VPS8: variants seen among roughly 807,000 people sequenced by gnomAD.
The protein encoded by VPS8 is vacuolar protein sorting-associated protein 8 homolog.
VPS8 carries 129 observed loss-of-function variants against 216.4 expected under a neutral mutation model. The observed-to-expected ratio is 0.60, with a 90% CI of 0.52 to 0.69. The LOEUF (loss-of-function observed/expected upper bound fraction) is 0.69, where lower values mean the gene tolerates loss of function less well. Ranked by LOEUF, VPS8 falls within the 30% of genes least tolerant of loss-of-function variation. The pLI is 0.00. For missense variants in VPS8, 1,531 were observed against 1,683.5 expected, an observed-to-expected ratio of 0.91 and a Z score of 1.59; for synonymous variants, 571 against 565.4, an observed-to-expected ratio of 1.01 and a Z score of -0.14.
Position 184,898,596 on chromosome 3 carries a change from A to G in VPS8, c.2036A>G (p.Tyr679Cys), listed in dbSNP as rs1309399571. ...VVLMCWENRL[Y>C]DAMIYVYNRG... ...CTCATGTGTTGGGAAAATCGTTTAT[A>G]TGATGCTATGATCTATGTCTACAAC... The change falls in exon 24 of 48, where the codon TAT becomes TGT. Residue 679 changes from tyrosine (Y) to cysteine (C), a missense_variant. By Grantham distance (194) the Tyr-to-Cys change is radical. Coordinates refer to ENST00000625842, the MANE Select transcript of VPS8 (RefSeq NM_001009921.3). 1 of 1,554,770 alleles carries G rather than the reference A, an allele frequency of 6.4e-7. No homozygotes were observed. The highest frequency in any genetic ancestry group is 8.7e-7 in the Non-Finnish European group (1 of 1,148,030).
chr3:184,987,052 A>G (rs1200732069), intron 42 of VPS8, among the ~76,000 whole-genome samples: 2 of 152,072 alleles, frequency 1.3e-5, no homozygotes, highest in Non-Finnish European at 2.9e-5. Flanking sequence ...ACACTGCTCT[A>G]AAAGGCCCCT....
chr3:184,822,176 A>G (rs1717758333), intron 1 of VPS8, among the ~76,000 whole-genome samples: 1 of 152,070 alleles, frequency 6.6e-6, no homozygotes, highest in Non-Finnish European at 1.5e-5. Flanking sequence ...AGGGGTGGGG[A>G]GAAGTGATTA....
chr3:184,971,652 C>G lies in VPS8; in HGVS notation c.3320C>G (p.Thr1107Ser), dbSNP rs779240439. ...LQEVTHQGEN[T>S]KEDPSLKDVE... is the part of the protein sequence containing the mutation. ...TTTACACTTTTTCTAAATCTAGATACCAAAGAGGATCCCTCATTGAAGGAT... is the reference window on the plus strand; with the variant it reads ...TTTACACTTTTTCTAAATCTAGATAGCAAAGAGGATCCCTCATTGAAGGAT... The change falls in exon 40 of 48, where the codon ACC (threonine) becomes AGC (serine). Residue 1107 changes from threonine (T) to serine (S), a missense_variant. Coordinates refer to ENST00000625842, the MANE Select transcript of VPS8 (RefSeq NM_001009921.3). 5 of 1,608,886 alleles carry G rather than the reference C, an allele frequency of 3.1e-6. No individual in the cohort carries two copies. The Admixed American group carries it at 5.0e-5, about 16-fold the overall frequency.
chr3:184,913,612 CCTA>C, intron 26 of VPS8, 51 bp downstream of exon 26: 1 of 1,452,748 alleles, frequency 6.9e-7, no homozygotes, highest in South Asian at 1.3e-5. Context: ...CTATATTTTT[CCTA>C]TATTTTTAGA....
At chr3:185,017,479 A>C (rs562751900) in intron 45 of VPS8, among the ~76,000 whole-genome samples, 1 of 152,248 alleles carries the variant, frequency 6.6e-6, no homozygotes, top group East Asian at 1.9e-4. Flanking sequence ...ATTTCCACAT[A>C]CGGCACAATC....
chr3:184,862,958 G>A lies in VPS8; in HGVS notation c.1286G>A (p.Arg429Gln), dbSNP rs1194713749. The change falls in exon 16 of 48, where the codon CGG becomes CAG. Residue 429 changes from arginine to glutamine, a missense_variant. Coordinates refer to ENST00000625842, the MANE Select transcript of VPS8 (RefSeq NM_001009921.3). ...GTAGAGAAGTTGCATGTGATTGATC[G>A]GCAAACACAAGAGGAATTGGAGACA... is the stretch of plus-strand genomic sequence containing the variant. ...DSVEKLHVID[R>Q]QTQEELETVE... is the part of the protein sequence containing the mutation. 7 of 1,613,906 alleles carry A rather than the reference G, an allele frequency of 4.3e-6. No individual in the cohort carries two copies. Among genetic ancestry groups the A allele is most frequent in the Admixed American group, 1.7e-5 (1 of 60,024 alleles).
chr3:185,018,296 TA>T (rs1756117268), intron 45 of VPS8, among the ~76,000 whole-genome samples: 1 of 152,250 alleles, frequency 6.6e-6, no homozygotes, highest in Non-Finnish European at 1.5e-5. Context: ...AACCGAGCCA[TA>T]AAATCTGCAT....
At chr3:184,913,131 G>A (rs1411312533) in intron 25 of VPS8, among the ~76,000 whole-genome samples, 1 of 152,166 alleles carries the variant, frequency 6.6e-6, no homozygotes, top group Non-Finnish European at 1.5e-5. Flanking sequence ...AGCACGGTAG[G>A]TGGTAAAAGT....
chr3:184,884,560 C>A (rs1730864144), intron 21 of VPS8, among the ~76,000 whole-genome samples: 1 of 152,090 alleles, frequency 6.6e-6, no homozygotes, highest in Non-Finnish European at 1.5e-5. Flanking sequence ...ATAAATTTAC[C>A]CCCTCTGAGC....
intron 36 of VPS8, among the ~76,000 whole-genome samples, chr3:184,941,920 G>A (rs1353765625): frequency 6.6e-6 from 1 of 151,706 alleles, no homozygotes; most frequent in African/African-American, 2.4e-5. Flanking sequence ...AAAAAAAACA[G>A]TATTAGGTAA....
Position 184,852,515 on chromosome 3 carries a change from ACT to A in VPS8, c.772_773del (p.Leu258CysfsTer12). 6.2e-7 allele frequency: 1 copy of A among 1,613,546 alleles called. No individual in the cohort carries two copies. The highest frequency in any genetic ancestry group is 8.5e-7 in the Non-Finnish European group (1 of 1,179,678). On this transcript the variant is annotated frameshift_variant, in exon 11 of 48. Transcript: ENST00000625842. LOFTEE classifies it high-confidence loss of function. ...ILHIKFTDDP[T>X]LAICNDSGGS... ...CTCTGTTTAGTTTACAGATGATCCA[ACT>A]CTTGCAATTTGCAACGACAGCGGAG...
chr3:184,913,656 T>G, intron 26 of VPS8, 95 bp downstream of exon 26: 1 of 1,029,000 alleles, frequency 9.7e-7, no homozygotes, highest in Non-Finnish European at 1.4e-6. Context: ...ATATAGTACT[T>G]TTAATTTTGC....
At position 184,999,806 on chromosome 3, in the gene VPS8, G is replaced by A; in HGVS notation, c.3947G>A (p.Gly1316Glu). 6.2e-7 allele frequency: 1 copy of A among 1,612,562 alleles called. No individual in the cohort carries two copies. ...CYKCSSSNKV[G>E]KLSENSSEIK... ...AAATGCAGTTCAAGTAACAAAGTAGGAAAACTCAGTGAAAATTCATCTGAA... is the reference window on the plus strand; with the variant it reads ...AAATGCAGTTCAAGTAACAAAGTAGAAAAACTCAGTGAAAATTCATCTGAA... Residue 1316 changes from glycine to glutamate, a missense_variant, in exon 45 of 48, where the codon GGA becomes GAA. Gly to Glu is a moderately conservative substitution (Grantham distance 98, BLOSUM62 -2). This residue lies in a region of VPS8 where 1,318 missense variants were observed against 1,468.4 expected (regional missense o/e 0.90). Transcript: ENST00000625842.
chr3:184,913,921 C>T (rs566128212), intron 26 of VPS8, among the ~76,000 whole-genome samples: 27 of 152,274 alleles, frequency 1.8e-4, no homozygotes, highest in South Asian at 8.3e-4. Context: ...TGTTGAAACC[C>T]GGGTTTTTTA....
intron 46 of VPS8, among the ~76,000 whole-genome samples, chr3:185,034,780 TATTTGCCA>T (rs1758658594): frequency 2.0e-5 from 3 of 152,140 alleles, no homozygotes; most frequent in Admixed American, 2.0e-4. Context: ...AGCAAAAAAA[TATTTGCCA>T]AGGGTCAATG....
chr3:184,989,942 A>AGG (rs1751655788), intron 42 of VPS8, among the ~76,000 whole-genome samples: 1 of 152,026 alleles, frequency 6.6e-6, no homozygotes, highest in South Asian at 2.1e-4. Flanking sequence ...GCATGGTGGC[A>AGG]GGCACCTGTA....
At chr3:184,952,638 G>A (rs1280023679) in intron 36 of VPS8, among the ~76,000 whole-genome samples, 3 of 152,206 alleles carry the variant, frequency 2.0e-5, no homozygotes, top group Non-Finnish European at 4.4e-5. Flanking sequence ...TTTATGAAAG[G>A]AGAAATAAGC....
In VPS8 at chr3:184,832,838, C is replaced by T. The variant is rs1202258414; in HGVS notation, c.353+19C>T. 1 of 1,599,450 alleles carries T rather than the reference C, an allele frequency of 6.3e-7. No homozygotes were observed. Among genetic ancestry groups the T allele is most frequent in the Non-Finnish European group, 8.5e-7 (1 of 1,172,556 alleles). ...TAAAAAGGTAGGTATTCATGTCAAT[C>T]ATACTTGCTTACAGTTGAAGTATTC... On this transcript the variant is annotated intron_variant, in intron 4 of 47. Coordinates refer to ENST00000625842, the MANE Select transcript of VPS8 (RefSeq NM_001009921.3).
chr3:184,875,021 G>A lies in VPS8; in HGVS notation c.1734+4216G>A, dbSNP rs2108801353. Among the ~76,000 whole-genome samples, 3 of 151,474 alleles carry A rather than the reference G, an allele frequency of 2.0e-5. 1 individual carries two copies. The highest frequency in any genetic ancestry group is 2.0e-4 in the Admixed American group (3 of 15,222). On this transcript the variant is annotated intron_variant, in intron 21 of 47. Coordinates refer to ENST00000625842, the MANE Select transcript of VPS8 (RefSeq NM_001009921.3). ...TTATTATGGAATGTATTCAGATAAA[G>A]GCAGGATGACCAACTGATGGAAGTG...
Sources: allele counts gnomAD v4.1 joint callset (sites outside exome capture counted in the v4.1 genomes callset), GRCh38; gene constraint gnomAD v4.1.1; regional missense constraint gnomAD v4.1.1; transcripts MANE v1.5; gene names NCBI Gene and HGNC (gene_info 2026-07-23, HGNC 2026-07-21).